The following RTL10 variants were observed in gnomAD, a reference collection of about 807,000 sequenced individuals.
RTL10 encodes the protein protein Bop.
For missense variants in RTL10, 477 were observed against 470.7 expected (o/e 1.01, Z -0.12); for synonymous variants, 199 against 188.4 (o/e 1.06, Z -0.46).
chr22:19,846,967 C>T lies in RTL10; in HGVS notation c.*4200G>A, dbSNP rs931823177. 3.0e-6 allele frequency: 3 copies of T among 985,516 alleles called. No individual in the cohort carries two copies. The highest frequency in any genetic ancestry group is 3.6e-6 in the Non-Finnish European group (3 of 829,976). 61.0% of individuals were successfully genotyped at this position (985,516 alleles called of 1,614,324 possible). On this transcript the variant is annotated 3_prime_UTR_variant, in exon 3 of 3. Transcript: ENST00000328554. ...CAGGCCCCTCCCATCCTCCCATCCT[C>T]AGCAGCACCAACCAGCCCCACGCTG... is the stretch of plus-strand genomic sequence containing the variant.
At position 19,846,940 on chromosome 22, in the gene RTL10, T is replaced by A; in HGVS notation, c.*4227A>T. 1.0e-6 allele frequency: 1 copy of A among 985,410 alleles called. No individual in the cohort carries two copies. Among genetic ancestry groups the A allele is most frequent in the East Asian group, 1.1e-4 (1 of 8,812 alleles). The allele number at this position is 985,410 out of a possible 1,614,324, so 61.0% of individuals were successfully genotyped here. On this transcript the variant is annotated 3_prime_UTR_variant, in exon 3 of 3. Coordinates refer to ENST00000328554, the MANE Select transcript of RTL10 (RefSeq NM_024627.6). ...AACAGGTATGTTGCCCTGGGATGGATGCAGGCCCCTCCCATCCTCCCATCC... is the reference window on the plus strand; with the variant it reads ...AACAGGTATGTTGCCCTGGGATGGAAGCAGGCCCCTCCCATCCTCCCATCC...
Position 19,852,248 on chromosome 22 carries a change from C to G in RTL10, c.14G>C (p.Arg5Pro), listed in dbSNP as rs747925044. The change falls in exon 3 of 3, where the codon CGG (arginine) becomes CCG (proline). Residue 5 changes from arginine (R) to proline (P), a missense_variant. Physicochemically the swap from Arg to Pro is moderately radical, Grantham distance 103 (BLOSUM62 -2). Transcript: ENST00000328554. Reference sequence around the variant, plus strand: ...AATGCGAGGGCCCTGCTGACGGCACCGGCCACGAGGCATGCTGGGAGCACA... The same window carrying G: ...AATGCGAGGGCCCTGCTGACGGCACGGGCCACGAGGCATGCTGGGAGCACA... Reference protein sequence around the residue: MPRGRCRQQGPRIPI... With the variant: MPRGPCRQQGPRIPI... The G allele has an allele frequency of 5.0e-5, 80 of 1,605,652 alleles. No homozygotes were observed. In the Middle Eastern group the frequency reaches 6.6e-4, roughly 13 times the overall value.
chr22:19,851,561 A>G lies in RTL10; in HGVS notation c.701T>C (p.Leu234Ser). The change falls in exon 3 of 3, where the codon TTA (leucine) becomes TCA (serine). Residue 234 changes from leucine to serine, a missense_variant. Transcript: ENST00000328554. ...AGCAGGGGTGGCCATGGCGGCTGGTAAAGACCTGGGGGCAGTACCCATGTC... is the reference window on the plus strand; with the variant it reads ...AGCAGGGGTGGCCATGGCGGCTGGTGAAGACCTGGGGGCAGTACCCATGTC... ...ALDMGTAPRS[L>S]PAAMATPAVS... is the part of the protein sequence containing the mutation. 6.2e-7 allele frequency: 1 copy of G among 1,612,786 alleles called. No homozygotes were observed.
chr22:19,849,542 A>G lies in RTL10; in HGVS notation c.*1625T>C. 2.7e-6 allele frequency: 1 copy of G among 373,828 alleles called. No homozygotes were observed. The highest frequency in any genetic ancestry group is 1.1e-4 in the South Asian group (1 of 9,138). 23.2% of individuals were successfully genotyped at this position (373,828 alleles called of 1,614,324 possible). On this transcript the variant is annotated 3_prime_UTR_variant, in exon 3 of 3. Coordinates refer to ENST00000328554, the MANE Select transcript of RTL10 (RefSeq NM_024627.6). ...CACCACCACACTTGGCTAATTTTGT[A>G]TTTTTAGGAGAGATGGATTTCTCCA... is the stretch of plus-strand genomic sequence containing the variant.
Position 19,850,747 on chromosome 22 carries a change from G to A in RTL10, c.*420C>T. The A allele has an allele frequency of 2.4e-6, 3 of 1,242,204 alleles. No homozygotes were observed. The highest frequency in any genetic ancestry group is 3.0e-6 in the Non-Finnish European group (3 of 994,870). 76.9% of individuals were successfully genotyped at this position (1,242,204 alleles called of 1,614,324 possible). A position where few individuals can be genotyped will look rare whatever the true frequency, so the allele number is the denominator to read the frequency against. On this transcript the variant is annotated 3_prime_UTR_variant, in exon 3 of 3. Coordinates refer to ENST00000328554, the MANE Select transcript of RTL10 (RefSeq NM_024627.6). ...ACACAGAAACCCCATACAGGAACGA[G>A]GTCCCAACAGGGCAGACGTGGCAGA...
rs1938002408 is a variant in RTL10, at chr22:19,847,855, T to C, written c.*3312A>G. The C allele has an allele frequency of 5.5e-6, 5 of 909,824 alleles. No homozygotes were observed. Among genetic ancestry groups the C allele is most frequent in the African/African-American group, 1.9e-5 (1 of 52,942 alleles). 56.4% of individuals were successfully genotyped at this position (909,824 alleles called of 1,614,324 possible). On this transcript the variant is annotated 3_prime_UTR_variant, in exon 3 of 3. Coordinates refer to ENST00000328554, the MANE Select transcript of RTL10 (RefSeq NM_024627.6). Reference sequence around the variant, plus strand: ...CCCATATTTTCCTCTAGTACTTTCATAATTGTAACATTGAAATCTTTAATC... The same window carrying C: ...CCCATATTTTCCTCTAGTACTTTCACAATTGTAACATTGAAATCTTTAATC...
Position 19,851,297 on chromosome 22 carries a change from G to A in RTL10, c.965C>T (p.Pro322Leu), listed in dbSNP as rs749449305. The change falls in exon 3 of 3, where the codon CCA becomes CTA. Residue 322 changes from proline to leucine, a missense_variant. Transcript: ENST00000328554. ...QRPDPAHPGG[P>L]KPQKTEEEVL... ...CTCCTCCTCTGTTTTCTGGGGTTTT[G>A]GACCTCCTGGATGAGCTGGGTCTGG... The A allele has an allele frequency of 5.6e-6, 9 of 1,613,698 alleles. No homozygotes were observed. The African/African-American group carries it at 1.1e-4, about 19-fold the overall frequency.
chr22:19,846,536 G>A lies in RTL10; in HGVS notation c.*4631C>T, dbSNP rs1937965571. 1.0e-6 allele frequency: 1 copy of A among 985,544 alleles called. No homozygotes were observed. The highest frequency in any genetic ancestry group is 1.2e-6 in the Non-Finnish European group (1 of 829,986). The allele number at this position is 985,544 out of a possible 1,614,324, so 61.0% of individuals were successfully genotyped here. A position where few individuals can be genotyped will look rare whatever the true frequency, so the allele number is the denominator to read the frequency against. On this transcript the variant is annotated 3_prime_UTR_variant, in exon 3 of 3. Coordinates refer to ENST00000328554, the MANE Select transcript of RTL10 (RefSeq NM_024627.6). ...GCCCAATATAGCGCTGCCAGGAACA[G>A]CAAAGACAAAACCAGAGAAGCCTAT... is the stretch of plus-strand genomic sequence containing the variant.
Position 19,849,784 on chromosome 22 carries a change from T to C in RTL10, c.*1383A>G. 3.0e-6 allele frequency: 3 copies of C among 985,488 alleles called. No homozygotes were observed. Among genetic ancestry groups the C allele is most frequent in the Non-Finnish European group, 2.4e-6 (2 of 829,948 alleles). The allele number at this position is 985,488 out of a possible 1,614,324, so 61.0% of individuals were successfully genotyped here. On this transcript the variant is annotated 3_prime_UTR_variant, in exon 3 of 3. Transcript: ENST00000328554. ...TACTTTCCAGGAAGGTGTTGTTTTG[T>C]TGTTTTCACAATTGTAAACCTGAAA... is the stretch of plus-strand genomic sequence containing the variant.
chr22:19,849,362 GTTT>G lies in RTL10; in HGVS notation c.*1802_*1804del. ...TTATATTTTTCTAAATAAGGTTTTT[GTTT>G]TTTGTTGTTTTTTTTTTTTTGGGAT... is the stretch of plus-strand genomic sequence containing the variant. On this transcript the variant is annotated 3_prime_UTR_variant, in exon 3 of 3. Transcript: ENST00000328554. The G allele has an allele frequency of 7.0e-6, 6 of 858,332 alleles. No homozygotes were observed. Among genetic ancestry groups the G allele is most frequent in the Non-Finnish European group, 8.4e-6 (6 of 718,202 alleles). 53.2% of individuals were successfully genotyped at this position (858,332 alleles called of 1,614,324 possible). A position where few individuals can be genotyped will look rare whatever the true frequency, so the allele number is the denominator to read the frequency against.
rs965376459 is a variant in RTL10, at chr22:19,847,378, GC to G, written c.*3788del. On this transcript the variant is annotated 3_prime_UTR_variant, in exon 3 of 3. Coordinates refer to ENST00000328554, the MANE Select transcript of RTL10 (RefSeq NM_024627.6). ...TGCTCCTTTATTGCTGGATCTTTGG[GC>G]TTTTCCAGTTCTGCTGTTCAAAAAA... 61 of 985,402 alleles carry G rather than the reference GC, an allele frequency of 6.2e-5. No homozygotes were observed. The Admixed American group carries it at 1.3e-3, about 21-fold the overall frequency. The allele number at this position is 985,402 out of a possible 1,614,324, so 61.0% of individuals were successfully genotyped here.
chr22:19,846,589 G>T lies in RTL10; in HGVS notation c.*4578C>A. 1.0e-6 allele frequency: 1 copy of T among 982,252 alleles called. No homozygotes were observed. The highest frequency in any genetic ancestry group is 1.2e-6 in the Non-Finnish European group (1 of 826,996). The allele number at this position is 982,252 out of a possible 1,614,324, so 60.8% of individuals were successfully genotyped here. A position where few individuals can be genotyped will look rare whatever the true frequency, so the allele number is the denominator to read the frequency against. ...CGGGCACCGCTGTGGGCAGAACTAT[G>T]TCCCTTCAATATTTTTATGTTCAAG... is the stretch of plus-strand genomic sequence containing the variant. On this transcript the variant is annotated 3_prime_UTR_variant, in exon 3 of 3. Transcript: ENST00000328554.
At chr22:19,853,865 G>T (rs1231972762) in intron 2 of RTL10, among the ~76,000 whole-genome samples, 2 of 152,212 alleles carry the variant, frequency 1.3e-5, no homozygotes, top group African/African-American at 4.8e-5. Context: ...CCAGGGCCCA[G>T]CTCCCACCAC....
Position 19,850,846 on chromosome 22 carries a change from G to C in RTL10, c.*321C>G. 1 of 1,308,360 alleles carries C rather than the reference G, an allele frequency of 7.6e-7. No individual in the cohort carries two copies. The allele number at this position is 1,308,360 out of a possible 1,614,324, so 81.0% of individuals were successfully genotyped here. ...TGGGGGTGGAGGTGACAAAGATGATGCAACTATCTGCTGAGAGTTGATCTA... is the reference window on the plus strand; with the variant it reads ...TGGGGGTGGAGGTGACAAAGATGATCCAACTATCTGCTGAGAGTTGATCTA... On this transcript the variant is annotated 3_prime_UTR_variant, in exon 3 of 3. Transcript: ENST00000328554.
rs771104547 is a variant in RTL10 at position 19,851,119 on chromosome 22, C to A, written c.*48G>T. On this transcript the variant is annotated 3_prime_UTR_variant, in exon 3 of 3. Transcript: ENST00000328554. ...GGGACTATGGGGCGCTCAAGCCACA[C>A]AGGCCACTTCATCATGAGGGGCAGC... The A allele has an allele frequency of 2.6e-6, 4 of 1,530,428 alleles. No individual in the cohort carries two copies. The highest frequency in any genetic ancestry group is 3.5e-6 in the Non-Finnish European group (4 of 1,137,072). The allele number at this position is 1,530,428 out of a possible 1,614,324, so 94.8% of individuals were successfully genotyped here. A position where few individuals can be genotyped will look rare whatever the true frequency, so the allele number is the denominator to read the frequency against.
At position 19,846,653 on chromosome 22, in the gene RTL10, T is replaced by C; in HGVS notation, c.*4514A>G. On this transcript the variant is annotated 3_prime_UTR_variant, in exon 3 of 3. Transcript: ENST00000328554. ...TACTTACATTTGAAGACAGGGTCTT[T>C]AAAGAGGTAATTCAGGGTTAAATGA... is the stretch of plus-strand genomic sequence containing the variant. The C allele has an allele frequency of 2.7e-6, 2 of 740,928 alleles. No individual in the cohort carries two copies. The highest frequency in any genetic ancestry group is 3.3e-6 in the Non-Finnish European group (2 of 606,486). The allele number at this position is 740,928 out of a possible 1,614,324, so 45.9% of individuals were successfully genotyped here.
Position 19,850,736 on chromosome 22 carries a change from T to C in RTL10, c.*431A>G. Reference sequence around the variant, plus strand: ...TAGGGGGACAGACACAGAAACCCCATACAGGAACGAGGTCCCAACAGGGCA... The same window carrying C: ...TAGGGGGACAGACACAGAAACCCCACACAGGAACGAGGTCCCAACAGGGCA... On this transcript the variant is annotated 3_prime_UTR_variant, in exon 3 of 3. Coordinates refer to ENST00000328554, the MANE Select transcript of RTL10 (RefSeq NM_024627.6). 1 of 1,239,960 alleles carries C rather than the reference T, an allele frequency of 8.1e-7. No homozygotes were observed. The highest frequency in any genetic ancestry group is 1.0e-6 in the Non-Finnish European group (1 of 993,670). 76.8% of individuals were successfully genotyped at this position (1,239,960 alleles called of 1,614,324 possible).
In RTL10 at chr22:19,851,993, C is replaced by T. The variant is rs79220086; in HGVS notation, c.269G>A (p.Arg90Gln). 6.8e-3 allele frequency: 11,054 copies of T among 1,614,148 alleles called. 258 individuals carry two copies. The highest frequency in any genetic ancestry group is 0.065 in the Admixed American group (3,919 of 60,022). The change falls in exon 3 of 3, where the codon CGA becomes CAA. Residue 90 changes from arginine to glutamine, a missense_variant. Coordinates refer to ENST00000328554, the MANE Select transcript of RTL10 (RefSeq NM_024627.6). ...CCAGCAGAAGTCCACCCTGTGGGGTCGGGAGCTGGGCATGTGCCCAGCTAG... is the reference window on the plus strand; with the variant it reads ...CCAGCAGAAGTCCACCCTGTGGGGTTGGGAGCTGGGCATGTGCCCAGCTAG... Reference protein sequence around the residue: ...GPLAGHMPSSRPHRVDFCWVP... With the variant: ...GPLAGHMPSSQPHRVDFCWVP...
rs917665770 is a variant in RTL10 at position 19,847,439 on chromosome 22, A to G, written c.*3728T>C. On this transcript the variant is annotated 3_prime_UTR_variant, in exon 3 of 3. Coordinates refer to ENST00000328554, the MANE Select transcript of RTL10 (RefSeq NM_024627.6). ...CCATGAGGTGGGTGTTAGAGGGCCC[A>G]GACCCCAGCCAAGGCACTGCATGGG... 1 of 985,322 alleles carries G rather than the reference A, an allele frequency of 1.0e-6. No individual in the cohort carries two copies. The highest frequency in any genetic ancestry group is 1.2e-6 in the Non-Finnish European group (1 of 829,924). The allele number at this position is 985,322 out of a possible 1,614,324, so 61.0% of individuals were successfully genotyped here.
Sources: allele counts gnomAD v4.1 joint callset (sites outside exome capture counted in the v4.1 genomes callset), GRCh38; gene constraint gnomAD v4.1.1; transcripts MANE v1.5; gene names NCBI Gene and HGNC (gene_info 2026-07-23, HGNC 2026-07-21).